ZFC3H1: variants seen among roughly 807,000 people sequenced by gnomAD.
ZFC3H1 encodes the protein zinc finger C3H1 domain-containing protein.
In ZFC3H1, 71 loss-of-function variants were observed where a neutral mutation model predicts 243.7. The ratio of observed to expected loss-of-function variants is 0.29; its 90% CI spans 0.24 to 0.36. The LOEUF (loss-of-function observed/expected upper bound fraction) is 0.36. Ranked by LOEUF, ZFC3H1 falls within the 10% of genes least tolerant of loss-of-function variation. The pLI is 1.00. For missense variants in ZFC3H1, 1,966 were observed against 2,317.1 expected, an observed-to-expected ratio of 0.85 and a Z score of 3.11; for synonymous variants, 838 against 813.0, an observed-to-expected ratio of 1.03 and a Z score of -0.52.
chr12:71,663,219 G>T lies in ZFC3H1; in HGVS notation c.392C>A (p.Pro131Gln), dbSNP rs992158222. ...SSSLSESSPR[P>Q]SFWERSHLAL... ...GAGGTGGCTCCGCTCCCAGAAAGAC[G>T]GCCGGGGACTGCTTTCGGACAGTGA... is the stretch of plus-strand genomic sequence containing the variant. The change falls in exon 1 of 35, where the codon CCG becomes CAG. Residue 131 changes from proline (P) to glutamine (Q), a missense_variant. Pro to Gln is a moderately conservative substitution (Grantham distance 76). Around this residue, in one of 4 missense-constraint regions of ZFC3H1, gnomAD observed 484 missense variants for 449.7 expected, o/e 1.08. Transcript: ENST00000378743. 2 of 1,614,028 alleles carry T rather than the reference G, an allele frequency of 1.2e-6. No homozygotes were observed. The highest frequency in any genetic ancestry group is 1.7e-6 in the Non-Finnish European group (2 of 1,180,040).
chr12:71,622,408 T>G (rs1880053538), intron 24 of ZFC3H1, among the ~76,000 whole-genome samples: 1 of 152,168 alleles, frequency 6.6e-6, no homozygotes, highest in African/African-American at 2.4e-5. Flanking sequence ...ATCTCTTCCC[T>G]TTGGGTTCAT....
intron 23 of ZFC3H1, 88 bp downstream of exon 23, chr12:71,624,016 T>C: frequency 3.0e-6 from 4 of 1,317,142 alleles, no homozygotes; most frequent in Non-Finnish European, 4.1e-6. Context: ...TCTTGTGCTT[T>C]CAACCATTAA....
At chr12:71,662,568 G>A (rs143025339) in intron 1 of ZFC3H1, among the ~76,000 whole-genome samples, 107 of 147,426 alleles carry the variant, frequency 7.3e-4, no homozygotes, top group African/African-American at 2.6e-3. Flanking sequence ...AATAGTGCAG[G>A]ACTGTGCAGA....
At chr12:71,636,790 T>C in intron 8 of ZFC3H1, 60 bp downstream of exon 8, 8 of 1,582,392 alleles carry the variant, frequency 5.1e-6, no homozygotes, top group South Asian at 4.6e-5. Flanking sequence ...CAGAAAAAAG[T>C]AGGACTACCG....
rs371709326 is a variant in ZFC3H1 at position 71,624,143 on chromosome 12, T to C, written c.4467A>G (p.Ile1489Met). 7.3e-5 allele frequency: 117 copies of C among 1,613,328 alleles called. No homozygotes were observed. The highest frequency in any genetic ancestry group is 9.8e-5 in the Non-Finnish European group (116 of 1,179,864). ...EALLFRVQLH[I>M]FTGRCQSALA... The stretch of plus-strand genomic sequence containing the variant: ...GTGCACTTTGGCATCTTCCAGTAAA[T>C]ATGTGCAGCTGAACTCTAAACAAAA... The change falls in exon 23 of 35, where the codon ATA becomes ATG. Residue 1489 changes from isoleucine (I) to methionine (M), a missense_variant. Physicochemically the swap from Ile to Met is conservative, Grantham distance 10. This residue lies in a region of ZFC3H1 where 1,383 missense variants were observed against 1,723.7 expected (regional missense o/e 0.80). Coordinates refer to ENST00000378743, the MANE Select transcript of ZFC3H1 (RefSeq NM_144982.5).
chr12:71,652,860 T>C (rs1326602578), intron 2 of ZFC3H1, among the ~76,000 whole-genome samples: 1 of 152,082 alleles, frequency 6.6e-6, no homozygotes, highest in Non-Finnish European at 1.5e-5. Context: ...CAGTGAGGGT[T>C]GAACTGATTC....
chr12:71,619,043 A>G (rs1013643188), intron 27 of ZFC3H1, among the ~76,000 whole-genome samples: 2 of 152,228 alleles, frequency 1.3e-5, no homozygotes, highest in Admixed American at 6.5e-5. Flanking sequence ...TAAAATTAAC[A>G]ACAATAACGA....
rs745657230 is a variant in ZFC3H1 at position 71,614,662 on chromosome 12, C to G, written c.5399G>C (p.Arg1800Thr). Residue 1800 changes from arginine (R) to threonine (T), a missense_variant, in exon 30 of 35, where the codon AGA becomes ACA. Arg to Thr is a moderately conservative substitution (Grantham distance 71). Coordinates refer to ENST00000378743, the MANE Select transcript of ZFC3H1 (RefSeq NM_144982.5). Reference protein sequence around the residue: ...VFANNRAAGSRNKVQEFKFFT... With the variant: ...VFANNRAAGSTNKVQEFKFFT... ...AAATTTGAATTCTTGAACTTTGTTTCTGGATCCAGCAGCTCTATTATTTGC... is the reference window on the plus strand; with the variant it reads ...AAATTTGAATTCTTGAACTTTGTTTGTGGATCCAGCAGCTCTATTATTTGC... The G allele has an allele frequency of 2.4e-5, 39 of 1,611,158 alleles. No individual in the cohort carries two copies. The highest frequency in any genetic ancestry group is 3.1e-5 in the Non-Finnish European group (37 of 1,179,092).
At position 71,629,534 on chromosome 12, in the gene ZFC3H1, TC is replaced by T. The variant is rs561914518; in HGVS notation, c.3826+74del. 4.2e-4 allele frequency: 404 copies of T among 966,394 alleles called. No homozygotes were observed. The African/African-American group carries it at 6.4e-3, about 15-fold the overall frequency. The allele number at this position is 966,394 out of a possible 1,614,324, so 59.9% of individuals were successfully genotyped here. A position where few individuals can be genotyped will look rare whatever the true frequency, so the allele number is the denominator to read the frequency against. On this transcript the variant is annotated intron_variant, in intron 19 of 34. Transcript: ENST00000378743. ...TTTCTGTCATACAGAAACTAAAAAG[TC>T]CTTTTCAGAAAGAGATACAGTACAC...
intron 9 of ZFC3H1, among the ~76,000 whole-genome samples, chr12:71,636,248 C>G (rs1030776412): frequency 5.3e-5 from 8 of 152,078 alleles, no homozygotes; most frequent in Admixed American, 2.6e-4. Context: ...GAAAGTACAC[C>G]ACTCTGATGA....
Position 71,628,918 on chromosome 12 carries a change from C to A in ZFC3H1, c.3946G>T (p.Ala1316Ser). The change falls in exon 20 of 35, where the codon GCT becomes TCT. Residue 1316 changes from alanine to serine, a missense_variant and splice_region_variant. Physicochemically the swap from Ala to Ser is moderately conservative, Grantham distance 99. Around this residue, in one of 4 missense-constraint regions of ZFC3H1, gnomAD observed 1,383 missense variants for 1,723.7 expected, o/e 0.80. Coordinates refer to ENST00000378743, the MANE Select transcript of ZFC3H1 (RefSeq NM_144982.5). Reference sequence around the variant, plus strand: ...GATCTTAAATTACATAACTTCTTACCATACTTAATTGGTCCTGTAGACTGT... The same window carrying A: ...GATCTTAAATTACATAACTTCTTACAATACTTAATTGGTCCTGTAGACTGT... Reference protein sequence around the residue: ...EEQSTGPIKYAFQPENQINVP... With the variant: ...EEQSTGPIKYSFQPENQINVP... The A allele has an allele frequency of 6.3e-7, 1 of 1,585,088 alleles. No homozygotes were observed. The highest frequency in any genetic ancestry group is 8.5e-7 in the Non-Finnish European group (1 of 1,170,104).
intron 14 of ZFC3H1, 152 bp from the exon 15 acceptor site, chr12:71,632,666 A>G (rs949683305): frequency 5.0e-5 from 62 of 1,248,454 alleles, no homozygotes; most frequent in Non-Finnish European, 6.3e-5. Context: ...TAAGTAGCCA[A>G]AAGTTTTGCT....
At chr12:71,625,518 C>T (rs1206008376) in intron 22 of ZFC3H1, among the ~76,000 whole-genome samples, 1 of 152,074 alleles carries the variant, frequency 6.6e-6, no homozygotes, top group East Asian at 1.9e-4. Flanking sequence ...AGAGCAAAAA[C>T]CCATCTCTAC....
At position 71,624,171 on chromosome 12, in the gene ZFC3H1, G is replaced by A; in HGVS notation, c.4439C>T (p.Ala1480Val). Reference protein sequence around the residue: ...SNILSFQLLEALLFRVQLHIF... With the variant: ...SNILSFQLLEVLLFRVQLHIF... The stretch of plus-strand genomic sequence containing the variant: ...GTGCAGCTGAACTCTAAACAAAAGA[G>A]CCTCTAAAAGCTGAAAGGACAAAAT... The change falls in exon 23 of 35, where the codon GCT becomes GTT. Residue 1480 changes from alanine (A) to valine (V), a missense_variant. Transcript: ENST00000378743. 1 of 1,614,008 alleles carries A rather than the reference G, an allele frequency of 6.2e-7. No homozygotes were observed. The highest frequency in any genetic ancestry group is 8.5e-7 in the Non-Finnish European group (1 of 1,180,002).
chr12:71,645,177 G>A (rs1880698335), intron 3 of ZFC3H1, 102 bp from the exon 4 acceptor site: 3 of 1,114,922 alleles, frequency 2.7e-6, no homozygotes, highest in Non-Finnish European at 3.7e-6. Context: ...AAGTGTGAAG[G>A]CAAATATGAC....
intron 24 of ZFC3H1, among the ~76,000 whole-genome samples, chr12:71,620,554 T>C (rs1424789968): frequency 6.6e-6 from 1 of 152,140 alleles, no homozygotes; most frequent in Admixed American, 6.5e-5. Context: ...AATAAAGCCA[T>C]CCCATATGAG....
At position 71,644,782 on chromosome 12, in the gene ZFC3H1, T is replaced by C. The variant is rs545036917; in HGVS notation, c.1279+95A>G. The C allele has an allele frequency of 1.7e-5, 23 of 1,388,804 alleles. No homozygotes were observed. The East Asian group carries it at 5.2e-4, about 31-fold the overall frequency. 86.0% of individuals were successfully genotyped at this position (1,388,804 alleles called of 1,614,324 possible). A position where few individuals can be genotyped will look rare whatever the true frequency, so the allele number is the denominator to read the frequency against. ...GCAGTAAGCAAAGATCATGCCACTG[T>C]ACTCCAGCCTGGGCGACAAGAGCAA... On this transcript the variant is annotated intron_variant, in intron 4 of 34. Coordinates refer to ENST00000378743, the MANE Select transcript of ZFC3H1 (RefSeq NM_144982.5).
At position 71,657,066 on chromosome 12, in the gene ZFC3H1, T is replaced by G. The variant is rs774903399; in HGVS notation, c.834A>C (p.Thr278=). The G allele has an allele frequency of 2.5e-6, 4 of 1,613,966 alleles. No homozygotes were observed. The highest frequency in any genetic ancestry group is 3.4e-6 in the Non-Finnish European group (4 of 1,179,932). Residue 278 remains threonine, a synonymous_variant, in exon 2 of 35, where the codon ACA becomes ACC. Coordinates refer to ENST00000378743, the MANE Select transcript of ZFC3H1 (RefSeq NM_144982.5). ...GAGCTACTTCTTTACTTGAATCCTTTGTAATACTGACATTATCAGTGCTAG... is the reference window on the plus strand; with the variant it reads ...GAGCTACTTCTTTACTTGAATCCTTGGTAATACTGACATTATCAGTGCTAG... ...DQTSTDNVSI[T]KDSSKEVAPE... is the part of the protein sequence containing the mutation.
chr12:71,610,947 T>G (rs1230061814), intron 33 of ZFC3H1, 111 bp downstream of exon 33: 1 of 1,509,568 alleles, frequency 6.6e-7, no homozygotes. Flanking sequence ...TGGTTCTTAG[T>G]GTGCATGAAA....
Sources: allele counts gnomAD v4.1 joint callset (sites outside exome capture counted in the v4.1 genomes callset), GRCh38; gene constraint gnomAD v4.1.1; regional missense constraint gnomAD v4.1.1; transcripts MANE v1.5; gene names NCBI Gene and HGNC (gene_info 2026-07-23, HGNC 2026-07-21).